The following ZBTB7C variants were observed in gnomAD, a reference collection of about 807,000 sequenced individuals.
ZBTB7C encodes the protein zinc finger and BTB domain-containing protein 7C.
ZBTB7C carries 8 observed loss-of-function variants against 25.7 expected under a neutral mutation model. The observed-to-expected ratio is 0.31, with a 90% CI of 0.18 to 0.56. The LOEUF (loss-of-function observed/expected upper bound fraction) is 0.56, where lower values mean the gene tolerates loss of function less well. ZBTB7C is among the 20% of genes least tolerant of loss of function. The pLI, the probability that ZBTB7C is intolerant of heterozygous loss-of-function variation, is 0.91. For synonymous variants in ZBTB7C, 394 were observed against 369.0 expected (o/e 1.07, Z -0.78); for missense variants, 824 against 855.2 (o/e 0.96, Z 0.46).
chr18:48,231,717 A>G (rs998745012), intron 2 of ZBTB7C, among the ~76,000 whole-genome samples: 1 of 152,150 alleles, frequency 6.6e-6, no homozygotes, highest in African/African-American at 2.4e-5. Flanking sequence ...TGCTCATTAT[A>G]TTGCAGGCAC....
chr18:48,036,465 AC>A (rs2144114000), intron 4 of ZBTB7C, among the ~76,000 whole-genome samples: 1 of 152,010 alleles, frequency 6.6e-6, no homozygotes, highest in South Asian at 2.1e-4. Flanking sequence ...CCTCTCCAGC[AC>A]CCCATGGGGT....
chr18:48,353,730 A>G (rs1256483975), intron 1 of ZBTB7C, among the ~76,000 whole-genome samples: 1 of 152,160 alleles, frequency 6.6e-6, no homozygotes, highest in African/African-American at 2.4e-5. Context: ...CCTGGTTGCA[A>G]TGGCACACGC....
At chr18:48,295,731 G>A (rs2045368366) in intron 2 of ZBTB7C, among the ~76,000 whole-genome samples, 1 of 152,190 alleles carries the variant, frequency 6.6e-6, no homozygotes, top group African/African-American at 2.4e-5. Context: ...TTCACAAGGA[G>A]CTGAAACTCT....
intron 1 of ZBTB7C, among the ~76,000 whole-genome samples, chr18:48,367,695 AT>A (rs2047278646): frequency 6.6e-6 from 1 of 152,058 alleles, no homozygotes; most frequent in Admixed American, 6.5e-5. Context: ...CAAAGGCCAC[AT>A]GGGGAGCCTA....
At chr18:48,398,281 C>T (rs2048075046) in intron 1 of ZBTB7C, among the ~76,000 whole-genome samples, 1 of 152,230 alleles carries the variant, frequency 6.6e-6, no homozygotes, top group Admixed American at 6.5e-5. Context: ...TCGGCCACTG[C>T]TGCCTGTTTG....
At chr18:48,074,478 T>C (rs2037681853) in intron 3 of ZBTB7C, among the ~76,000 whole-genome samples, 2 of 152,208 alleles carry the variant, frequency 1.3e-5, no homozygotes, top group South Asian at 4.1e-4. Context: ...CAGACGACTG[T>C]CATAGGAATG....
rs540166725 is a variant in ZBTB7C, at chr18:48,166,617, G to A, written c.-17+19317C>T. 3.3e-5 allele frequency among the ~76,000 whole-genome samples: 5 copies of A among 152,276 alleles called. No individual in the cohort carries two copies. In the East Asian group the frequency reaches 5.8e-4, roughly 18 times the overall value. On this transcript the variant is annotated intron_variant, in intron 3 of 4. Transcript: ENST00000590800. ...AGAAGCACCTGGCCTGGTCCTCAGC[G>A]ATACGGACAGGACCAATGAAGCAGC... is the stretch of plus-strand genomic sequence containing the variant.
intron 1 of ZBTB7C, among the ~76,000 whole-genome samples, chr18:48,398,296 G>A (rs1027441225): frequency 6.6e-5 from 10 of 152,224 alleles, no homozygotes; most frequent in African/African-American, 1.4e-4. Flanking sequence ...TGTTTGCTGC[G>A]AAGGGATTGG....
intron 2 of ZBTB7C, among the ~76,000 whole-genome samples, chr18:48,209,133 C>A (rs942283987): frequency 1.3e-5 from 2 of 152,212 alleles, no homozygotes; most frequent in Non-Finnish European, 2.9e-5. Context: ...AAAGGGGTCT[C>A]AGCTAATGCA....
chr18:48,217,332 G>A (rs766290335), intron 2 of ZBTB7C, among the ~76,000 whole-genome samples: 23 of 152,066 alleles, frequency 1.5e-4, no homozygotes, highest in Admixed American at 5.9e-4. Flanking sequence ...AAGCCCTCAC[G>A]CAACCATCAG....
intron 3 of ZBTB7C, among the ~76,000 whole-genome samples, chr18:48,085,531 A>G (rs371399460): frequency 2.9e-4 from 44 of 152,278 alleles, no homozygotes; most frequent in African/African-American, 1.0e-3. Context: ...TGAGCAAGTG[A>G]CTGAACGTCT....
chr18:48,209,680 C>G (rs996154679), intron 2 of ZBTB7C, among the ~76,000 whole-genome samples: 1 of 151,814 alleles, frequency 6.6e-6, no homozygotes, highest in Non-Finnish European at 1.5e-5. Flanking sequence ...TGCTTGAACC[C>G]AGGAGGTCAA....
intron 3 of ZBTB7C, among the ~76,000 whole-genome samples, chr18:48,124,162 G>T (rs1358479387): frequency 1.3e-5 from 2 of 152,224 alleles, no homozygotes; most frequent in African/African-American, 4.8e-5. Flanking sequence ...GGGGCATGGT[G>T]ACCTCTACCT....
rs541950251 is a variant in ZBTB7C, at chr18:48,278,821, C to T, written c.-79+59353G>A. Among the ~76,000 whole-genome samples the T allele has an allele frequency of 1.1e-3, 173 of 152,288 alleles. 1 individual carries two copies. The highest frequency in any genetic ancestry group is 3.9e-3 in the African/African-American group (162 of 41,554). On this transcript the variant is annotated intron_variant, in intron 2 of 4. Transcript: ENST00000590800. ...GGTTTGCCACGTGGCAATAAACAAC[C>T]GAAACACCGCCTAACTGCTCTCTGC...
chr18:48,373,505 T>C (rs1568408500), intron 1 of ZBTB7C, among the ~76,000 whole-genome samples: 1 of 152,082 alleles, frequency 6.6e-6, no homozygotes, highest in African/African-American at 2.4e-5. Flanking sequence ...AGTTTGGATA[T>C]TTGTCCTGCC....
chr18:48,047,159 T>C (rs1236523650), intron 3 of ZBTB7C, among the ~76,000 whole-genome samples: 1 of 152,158 alleles, frequency 6.6e-6, no homozygotes, highest in Admixed American at 6.5e-5. Context: ...GTCCCCACCC[T>C]GCATGCTGGG....
chr18:48,388,390 T>C (rs1294304572), intron 1 of ZBTB7C, among the ~76,000 whole-genome samples: 4 of 152,172 alleles, frequency 2.6e-5, no homozygotes, highest in Non-Finnish European at 5.9e-5. Context: ...AGGTCAGGAA[T>C]TATGTCCTAT....
intron 3 of ZBTB7C, among the ~76,000 whole-genome samples, chr18:48,082,736 C>T (rs1345304080): frequency 6.6e-6 from 1 of 152,078 alleles, no homozygotes; most frequent in Non-Finnish European, 1.5e-5. Flanking sequence ...AATGACCTTG[C>T]TGGGTGGGTA....
At chr18:48,365,962 GC>G (rs1046174916) in intron 1 of ZBTB7C, among the ~76,000 whole-genome samples, 1 of 152,174 alleles carries the variant, frequency 6.6e-6, no homozygotes, top group African/African-American at 2.4e-5. Flanking sequence ...TTATCAGGGG[GC>G]AAGACTGTTG....
Sources: allele counts gnomAD v4.1 joint callset (sites outside exome capture counted in the v4.1 genomes callset), GRCh38; gene constraint gnomAD v4.1.1; transcripts MANE v1.5; gene names NCBI Gene and HGNC (gene_info 2026-07-23, HGNC 2026-07-21).